The following SCAF4 variants were observed in gnomAD, a reference collection of about 807,000 sequenced individuals.
SCAF4 encodes SR-related and CTD-associated factor 4.
A neutral mutation model predicts 129.8 loss-of-function variants in SCAF4; 25 were observed. The ratio of observed to expected loss-of-function variants is 0.19; its 90% CI spans 0.14 to 0.27. The LOEUF (loss-of-function observed/expected upper bound fraction) is 0.27. SCAF4 is among the 10% of genes least tolerant of loss of function. The probability of loss-of-function intolerance (pLI) is 1.00; values close to 1 mark genes in which losing one functional copy is unlikely to be tolerated. For missense variants in SCAF4, 1,246 were observed against 1,457.1 expected, an observed-to-expected ratio of 0.86 and a Z score of 2.36; for synonymous variants, 551 against 497.7, an observed-to-expected ratio of 1.11 and a Z score of -1.43.
chr21:31,690,999 C>G, intron 14 of SCAF4, 46 bp from the exon 15 acceptor site: 1 of 1,531,792 alleles, frequency 6.5e-7, no homozygotes, highest in African/African-American at 1.4e-5. Flanking sequence ...AAAGCAAGGT[C>G]GTAAGTCTTG....
intron 19 of SCAF4, among the ~76,000 whole-genome samples, chr21:31,681,139 G>A (rs1253814346): frequency 6.6e-6 from 1 of 152,140 alleles, no homozygotes; most frequent in African/African-American, 2.4e-5. Context: ...AGTAGGAAGT[G>A]ATCTTACAAA....
chr21:31,725,351 T>C (rs1323942278), intron 1 of SCAF4, among the ~76,000 whole-genome samples: 1 of 152,104 alleles, frequency 6.6e-6, no homozygotes, highest in East Asian at 1.9e-4. Flanking sequence ...ACAATAGTCA[T>C]ACAGAACAAT....
At chr21:31,723,609 G>GTTTT (rs112184778) in intron 1 of SCAF4, among the ~76,000 whole-genome samples, 1 of 146,132 alleles carries the variant, frequency 6.8e-6, no homozygotes, top group African/African-American at 2.5e-5. Flanking sequence ...TGATTTATAT[G>GTTTT]ATGTGTGTGT....
intron 14 of SCAF4, 116 bp downstream of exon 14, chr21:31,691,691 AGATGCACATG>A: frequency 7.9e-6 from 3 of 378,076 alleles, no homozygotes; most frequent in South Asian, 1.0e-4. Flanking sequence ...AAAAAAAAAA[AGATGCACATG>A]AAATGCCTCA....
rs1187606100 is a variant in SCAF4 at position 31,731,890 on chromosome 21, C to T, written c.-198G>A. ...GAGGCAGAGGCGGAGAGGTGGCGGG[C>T]CCCCTCTCAGTCCCGTTCGCAGGAT... On this transcript the variant is annotated 5_prime_UTR_variant, in exon 1 of 20. Transcript: ENST00000286835. 9.4e-6 allele frequency: 5 copies of T among 530,050 alleles called. No homozygotes were observed. The highest frequency in any genetic ancestry group is 2.9e-5 in the South Asian group (1 of 34,738). The allele number at this position is 530,050 out of a possible 1,614,324, so 32.8% of individuals were successfully genotyped here. A position where few individuals can be genotyped will look rare whatever the true frequency, so the allele number is the denominator to read the frequency against.
At chr21:31,690,029 T>G (rs1390727220) in intron 15 of SCAF4, among the ~76,000 whole-genome samples, 1 of 152,208 alleles carries the variant, frequency 6.6e-6, no homozygotes, top group Non-Finnish European at 1.5e-5. Flanking sequence ...GTCATGCCCA[T>G]GCATTCTGTG....
chr21:31,716,062 T>C (rs548035612), intron 1 of SCAF4, among the ~76,000 whole-genome samples: 3 of 152,258 alleles, frequency 2.0e-5, no homozygotes, highest in African/African-American at 7.2e-5. Flanking sequence ...TTTCCTACTT[T>C]TTGAAATAAA....
intron 9 of SCAF4, among the ~76,000 whole-genome samples, chr21:31,695,408 A>C (rs2048314536): frequency 6.6e-6 from 1 of 152,190 alleles, no homozygotes. Flanking sequence ...CCAAGGGGGA[A>C]TTTCAACTAA....
intron 1 of SCAF4, among the ~76,000 whole-genome samples, chr21:31,712,365 G>A (rs891478096): frequency 6.8e-6 from 1 of 147,788 alleles, no homozygotes; most frequent in African/African-American, 2.5e-5. Context: ...TTACAGACGT[G>A]CACCACCACA....
At chr21:31,725,798 A>C (rs1015176671) in intron 1 of SCAF4, among the ~76,000 whole-genome samples, 1 of 152,244 alleles carries the variant, frequency 6.6e-6, no homozygotes, top group African/African-American at 2.4e-5. Flanking sequence ...ATGAGGATCC[A>C]GGTTTTATTA....
Position 31,731,916 on chromosome 21 carries a change from G to A in SCAF4, c.-224C>T, listed in dbSNP as rs536901850. The A allele has an allele frequency of 1.8e-5, 9 of 490,468 alleles. No homozygotes were observed. The South Asian group carries it at 2.8e-4, about 15-fold the overall frequency. The allele number at this position is 490,468 out of a possible 1,614,324, so 30.4% of individuals were successfully genotyped here. A position where few individuals can be genotyped will look rare whatever the true frequency, so the allele number is the denominator to read the frequency against. ...CCCCTCTCAGTCCCGTTCGCAGGAT[G>A]AGGAAAAGGAGGCGGCGGCAGCGCT... On this transcript the variant is annotated 5_prime_UTR_variant, in exon 1 of 20. Coordinates refer to ENST00000286835, the MANE Select transcript of SCAF4 (RefSeq NM_020706.2).
In SCAF4 at chr21:31,692,396, C is replaced by A. The variant is rs761981832; in HGVS notation, c.1567G>T (p.Asp523Tyr). ...GQLDKRTTQQ[D>Y]VASLLEEFGP... is the part of the protein sequence containing the mutation. The stretch of plus-strand genomic sequence containing the variant: ...AACTCTTCCAAGAGACTGGCAACAT[C>A]CTGCTGAGTAGTTCTTTTGTCCAGC... The change falls in exon 13 of 20, where the codon GAT becomes TAT. Residue 523 changes from aspartate to tyrosine, a missense_variant. Physicochemically the swap from Asp to Tyr is radical, Grantham distance 160 (BLOSUM62 -3). Transcript: ENST00000286835. 1.9e-6 allele frequency: 3 copies of A among 1,614,052 alleles called. No individual in the cohort carries two copies. Among genetic ancestry groups the A allele is most frequent in the Non-Finnish European group, 2.5e-6 (3 of 1,179,974 alleles).
At chr21:31,731,101 C>G (rs991153273) in intron 1 of SCAF4, among the ~76,000 whole-genome samples, 1 of 152,214 alleles carries the variant, frequency 6.6e-6, no homozygotes, top group African/African-American at 2.4e-5. Context: ...TGCGTGAATC[C>G]CGGAGAAGGG....
At position 31,691,874 on chromosome 21, in the gene SCAF4, A is replaced by G. The variant is rs2050268698; in HGVS notation, c.1671T>C (p.Tyr557=). The change falls in exon 14 of 20, where the codon TAT becomes TAC. Residue 557 remains tyrosine (Y), a synonymous_variant. Transcript: ENST00000286835. Reference sequence around the variant, plus strand: ...CTCGGCTCAGTTTCTGCAGGGCACGATAGGCATCTTGCCTATGAACCATAA... The same window carrying G: ...CTCGGCTCAGTTTCTGCAGGGCACGGTAGGCATCTTGCCTATGAACCATAA... ...YIVMVHRQDA[Y]RALQKLSRGN... The G allele has an allele frequency of 6.2e-7, 1 of 1,610,400 alleles. No homozygotes were observed. Among genetic ancestry groups the G allele is most frequent in the African/African-American group, 1.3e-5 (1 of 74,810 alleles).
At chr21:31,727,045 T>C (rs946440632) in intron 1 of SCAF4, among the ~76,000 whole-genome samples, 1 of 152,174 alleles carries the variant, frequency 6.6e-6, no homozygotes, top group African/African-American at 2.4e-5. Context: ...CTGTATATTC[T>C]TAACTGTTTT....
chr21:31,688,274 CTTAAAG>C lies in SCAF4; in HGVS notation c.2043+27_2043+32del, dbSNP rs370063200. ...GATTTAGAAAGGGACCTTTCAGGCA[CTTAAAG>C]TTTAAGTCATGTCCCAATATTCTCA... On this transcript the variant is annotated intron_variant, in intron 16 of 19. Transcript: ENST00000286835. The C allele has an allele frequency of 1.1e-5, 18 of 1,596,844 alleles. No homozygotes were observed. The East Asian group carries it at 2.2e-4, about 20-fold the overall frequency.
At chr21:31,700,180 ACT>A (rs958276431) in intron 7 of SCAF4, among the ~76,000 whole-genome samples, 1 of 129,644 alleles carries the variant, frequency 7.7e-6, no homozygotes, top group Non-Finnish European at 1.7e-5. Flanking sequence ...ATACACACAC[ACT>A]CACACACACA....
intron 7 of SCAF4, among the ~76,000 whole-genome samples, chr21:31,696,988 A>G (rs2050403751): frequency 6.6e-6 from 1 of 152,144 alleles, no homozygotes; most frequent in South Asian, 2.1e-4. Flanking sequence ...TTGTAAGTAC[A>G]GTGCTTTCTA....
At chr21:31,686,489 T>G (rs910033303) in intron 16 of SCAF4, among the ~76,000 whole-genome samples, 1 of 152,188 alleles carries the variant, frequency 6.6e-6, no homozygotes, top group African/African-American at 2.4e-5. Flanking sequence ...CTATTTAAAT[T>G]CTCTAAAACG....
Sources: gnomAD v4.1 joint callset for allele counts (sites outside exome capture counted in the v4.1 genomes callset) on GRCh38, gnomAD v4.1.1 for gene constraint, MANE v1.5 for transcripts, NCBI Gene and HGNC (gene_info 2026-07-23, HGNC 2026-07-21) for gene names.